Variants in SPTBN5 observed in about 807,000 individuals in gnomAD.
The protein encoded by SPTBN5 is spectrin beta, non-erythrocytic 5, also known as spectrin beta chain, non-erythrocytic 5.
SPTBN5 carries 513 observed loss-of-function variants against 477.6 expected under a neutral mutation model. The observed-to-expected ratio is 1.07, with a 90% CI of 1.00 to 1.16. SPTBN5 has a LOEUF of 1.16. SPTBN5 is among the 50% of genes most tolerant of loss of function. SPTBN5 has a pLI of 0.00. For missense variants in SPTBN5, 5,062 were observed against 4,731.8 expected (o/e 1.07, Z -2.05); for synonymous variants, 2,169 against 2,011.7 (o/e 1.08, Z -2.09).
At position 41,857,685 on chromosome 15, in the gene SPTBN5, C is replaced by T; in HGVS notation, c.8252G>A (p.Gly2751Asp). ...QREGQRLLQG[G>D]HPASEAIQER... ...CTGGATGGCCTCCGAGGCTGGGTGG[C>T]CCCCCTGCAGCAGCCTCTGTCCCTC... The change falls in exon 50 of 68, where the codon GGC becomes GAC. Residue 2751 changes from glycine (G) to aspartate (D), a missense_variant. Gly to Asp is a moderately conservative substitution (Grantham distance 94). Coordinates refer to ENST00000320955, the MANE Select transcript of SPTBN5 (RefSeq NM_016642.4). 5 of 1,580,220 alleles carry T rather than the reference C, an allele frequency of 3.2e-6. No individual in the cohort carries two copies. Among genetic ancestry groups the T allele is most frequent in the Non-Finnish European group, 3.4e-6 (4 of 1,164,482 alleles).
chr15:41,880,099 A>C, intron 14 of SPTBN5, 61 bp downstream of exon 14: 1 of 1,519,072 alleles, frequency 6.6e-7, no homozygotes, highest in Non-Finnish European at 8.8e-7. Context: ...GAGTCACAGC[A>C]GCAGACCACA....
rs771620376 is a variant in SPTBN5, at chr15:41,877,351, T to C, written c.3476A>G (p.Gln1159Arg). ...EEIHLWQERL[Q>R]QLDAQSQPMA... is the part of the protein sequence containing the mutation. The stretch of plus-strand genomic sequence containing the variant: ...GGGCTGGCTCTGAGCGTCCAGCTGC[T>C]GCAGCCTGACCAGGATGACAGGCAG... The change falls in exon 18 of 68, where the codon CAG becomes CGG. Residue 1159 changes from glutamine (Q) to arginine (R), a missense_variant. Transcript: ENST00000320955. 3 of 1,606,798 alleles carry C rather than the reference T, an allele frequency of 1.9e-6. No homozygotes were observed. In the African/African-American group the frequency reaches 4.0e-5, roughly 21 times the overall value.
rs749042256 is a variant in SPTBN5 at position 41,853,591 on chromosome 15, T to A, written c.9971A>T (p.Gln3324Leu). 5 of 1,574,454 alleles carry A rather than the reference T, an allele frequency of 3.2e-6. No homozygotes were observed. The highest frequency in any genetic ancestry group is 1.7e-4 in the Middle Eastern group (1 of 5,988). The change falls in exon 58 of 68, where the codon CAG (glutamine) becomes CTG (leucine). Residue 3324 changes from glutamine (Q) to leucine (L), a missense_variant. Gln to Leu is a moderately radical substitution (Grantham distance 113). Coordinates refer to ENST00000320955, the MANE Select transcript of SPTBN5 (RefSeq NM_016642.4). ...GAGGTAGGACACCTACAGCAGTTCC[T>A]GGCAGCGCCCGAGGAAGGCATGGCC... ...AQGHAFLGRC[Q>L]ELLAWAQERQ...
chr15:41,856,435 C>G lies in SPTBN5; in HGVS notation c.8972G>C (p.Arg2991Thr), dbSNP rs748509385. The G allele has an allele frequency of 2.1e-5, 33 of 1,594,868 alleles. No individual in the cohort carries two copies. The highest frequency in any genetic ancestry group is 1.8e-4 in the South Asian group (16 of 88,890). ...CTGAGCCTGCTGCAGCAGAAGCCGC[C>G]TCCGCGCCGCCTCTGCCCGCAGGTG... is the stretch of plus-strand genomic sequence containing the variant. ...MAHLRAEAAR[R>T]RLLLQQAQEA... The change falls in exon 53 of 68, where the codon AGG becomes ACG. Residue 2991 changes from arginine to threonine, a missense_variant. By Grantham distance (71) the Arg-to-Thr change is moderately conservative. Coordinates refer to ENST00000320955, the MANE Select transcript of SPTBN5 (RefSeq NM_016642.4).
In SPTBN5 at chr15:41,857,562, CACA is replaced by C. The variant is rs1181505789; in HGVS notation, c.8364+8_8364+10del. The C allele has an allele frequency of 2.5e-6, 4 of 1,607,408 alleles. No homozygotes were observed. The highest frequency in any genetic ancestry group is 3.4e-6 in the Non-Finnish European group (4 of 1,176,240). On this transcript the variant is annotated splice_region_variant and intron_variant, in intron 50 of 67. Transcript: ENST00000320955. ...GCCCGGCCAGCCACCCCTCGGCCTGCACAACCTCACCTCACAGGCCTTCTGGAG... is the reference window on the plus strand; with the variant it reads ...GCCCGGCCAGCCACCCCTCGGCCTGCACCTCACCTCACAGGCCTTCTGGAG...
At chr15:41,860,148 C>G (rs773007405) in intron 47 of SPTBN5, among the ~76,000 whole-genome samples, 1 of 152,216 alleles carries the variant, frequency 6.6e-6, no homozygotes, top group Non-Finnish European at 1.5e-5. Flanking sequence ...CTTTCGTCCT[C>G]ATCACAGCCG....
intron 14 of SPTBN5, 119 bp from the exon 15 acceptor site, chr15:41,879,983 C>G: frequency 1.4e-6 from 2 of 1,458,792 alleles, no homozygotes; most frequent in East Asian, 4.9e-5. Flanking sequence ...CTGCCTGCCC[C>G]TGGAAAGACA....
At chr15:41,848,961 A>G (rs1233749436) in intron 67 of SPTBN5, among the ~76,000 whole-genome samples, 1 of 152,186 alleles carries the variant, frequency 6.6e-6, no homozygotes. Context: ...TCAGCAACAC[A>G]TCATCTAAAT....
In SPTBN5 at chr15:41,893,013, G is replaced by A. The variant is rs757886521; in HGVS notation, c.265C>T (p.His89Tyr). 3.7e-6 allele frequency: 6 copies of A among 1,611,236 alleles called. No individual in the cohort carries two copies. The highest frequency in any genetic ancestry group is 5.1e-6 in the Non-Finnish European group (6 of 1,179,756). ...NLYTELADGI[H>Y]LLRLLELISG... is the part of the protein sequence containing the mutation. Reference sequence around the variant, plus strand: ...ATGAGCTCCAGCAGCCGCAGGAGGTGGATGCCGTCAGCCAGCTCTGTGTAC... The same window carrying A: ...ATGAGCTCCAGCAGCCGCAGGAGGTAGATGCCGTCAGCCAGCTCTGTGTAC... The change falls in exon 3 of 68, where the codon CAC (histidine) becomes TAC (tyrosine). Residue 89 changes from histidine (H) to tyrosine (Y), a missense_variant. Transcript: ENST00000320955.
intron 7 of SPTBN5, among the ~76,000 whole-genome samples, chr15:41,885,254 C>T (rs1339577464): frequency 6.6e-6 from 1 of 152,188 alleles, no homozygotes; most frequent in African/African-American, 2.4e-5. Context: ...GAGCTCCTGA[C>T]CTCAGGTCAT....
rs1434080411 is a variant in SPTBN5 at position 41,866,019 on chromosome 15, C to A, written c.6822+19G>T. ...GCTCCTCCCCCCATCTCTCAGCCCC[C>A]ACCCAGCTGGGGCTACACCTTCTCC... On this transcript the variant is annotated intron_variant, in intron 38 of 67. Transcript: ENST00000320955. The A allele has an allele frequency of 1.3e-6, 2 of 1,550,132 alleles. No individual in the cohort carries two copies. Among genetic ancestry groups the A allele is most frequent in the African/African-American group, 2.7e-5 (2 of 73,012 alleles).
Position 41,848,399 on chromosome 15 carries a change from C to T in SPTBN5, c.*217G>A. On this transcript the variant is annotated 3_prime_UTR_variant, in exon 68 of 68. Coordinates refer to ENST00000320955, the MANE Select transcript of SPTBN5 (RefSeq NM_016642.4). Reference sequence around the variant, plus strand: ...GTAACACGTCTCCTCTTCACCCAGACAGGAATGCAGGGGGAGGCCAGGCAA... The same window carrying T: ...GTAACACGTCTCCTCTTCACCCAGATAGGAATGCAGGGGGAGGCCAGGCAA... 1 of 628,638 alleles carries T rather than the reference C, an allele frequency of 1.6e-6. No individual in the cohort carries two copies. Among genetic ancestry groups the T allele is most frequent in the Non-Finnish European group, 2.9e-6 (1 of 345,666 alleles). The allele number at this position is 628,638 out of a possible 1,614,324, so 38.9% of individuals were successfully genotyped here. A position where few individuals can be genotyped will look rare whatever the true frequency, so the allele number is the denominator to read the frequency against.
At chr15:41,859,986 G>A (rs1010589802) in intron 47 of SPTBN5, among the ~76,000 whole-genome samples, 5 of 152,230 alleles carry the variant, frequency 3.3e-5, no homozygotes, top group Non-Finnish European at 7.3e-5. Flanking sequence ...CTGAGGAGCT[G>A]CATGAAGCAG....
At chr15:41,863,858 G>GC in intron 40 of SPTBN5, 40 bp from the exon 41 acceptor site, 1 of 1,612,442 alleles carries the variant, frequency 6.2e-7, no homozygotes, top group East Asian at 2.2e-5. Context: ...GCCTGAGGTG[G>GC]CCTTCCACCC....
chr15:41,878,905 A>C (rs946795498), intron 16 of SPTBN5, among the ~76,000 whole-genome samples: 4 of 152,172 alleles, frequency 2.6e-5, no homozygotes, highest in African/African-American at 9.7e-5. Context: ...GTCTCTACTA[A>C]AAATACAAAA....
rs1567222061 is a variant in SPTBN5 at position 41,879,492 on chromosome 15, GC to G, written c.2949del (p.Gln984SerfsTer5). 3 of 1,564,760 alleles carry G rather than the reference GC, an allele frequency of 1.9e-6. No homozygotes were observed. Among genetic ancestry groups the G allele is most frequent in the Admixed American group, 3.7e-5 (2 of 53,418 alleles). On this transcript the variant is annotated frameshift_variant, in exon 16 of 68. Coordinates refer to ENST00000320955, the MANE Select transcript of SPTBN5 (RefSeq NM_016642.4). LOFTEE classifies it high-confidence loss of function. Reference protein sequence around the residue: ...RQQEELSQRWGQLEALKREKA... With the variant: ...RQQEELSQRWXQLEALKREKA... ...TTCTCCCTCTTCAGGGCCTCCAGCTGCCCCCACCTGGGCAGAGGGTACAAGG... is the reference window on the plus strand; with the variant it reads ...TTCTCCCTCTTCAGGGCCTCCAGCTGCCCCACCTGGGCAGAGGGTACAAGG...
In SPTBN5 at chr15:41,876,665, G is replaced by GGGGGGGGGT; in HGVS notation, c.3852-19_3852-18insACCCCCCCC. The GGGGGGGGGT allele has an allele frequency of 2.3e-6, 3 of 1,292,938 alleles. No individual in the cohort carries two copies. The highest frequency in any genetic ancestry group is 3.3e-6 in the Non-Finnish European group (3 of 904,822). The allele number at this position is 1,292,938 out of a possible 1,614,324, so 80.1% of individuals were successfully genotyped here. A position where few individuals can be genotyped will look rare whatever the true frequency, so the allele number is the denominator to read the frequency against. ...CTCTGACCCTGGAGGGCGGGGGGGGGTTGGAGGAGGGCATGGGAGAGGACT... is the reference window on the plus strand; with the variant it reads ...CTCTGACCCTGGAGGGCGGGGGGGGGGGGGGGGGTTTGGAGGAGGGCATGGGAGAGGACT... On this transcript the variant is annotated intron_variant, in intron 19 of 67. Transcript: ENST00000320955.
chr15:41,863,040 A>G (rs2140929558), intron 41 of SPTBN5, 137 bp from the exon 42 acceptor site: 1 of 756,554 alleles, frequency 1.3e-6, no homozygotes, highest in East Asian at 2.7e-5. Context: ...TGAGGGCCAG[A>G]GATCTCTTCC....
In SPTBN5 at chr15:41,850,950, C is replaced by CACA. The variant is rs386382834; in HGVS notation, c.10836-12_10836-11insTGT. ...GCCCCACTGGTCAGCCTGGCACCCA[C>CACA]AGTCACAGGTCAAACTCCACTGTCC... is the stretch of plus-strand genomic sequence containing the variant. On this transcript the variant is annotated splice_polypyrimidine_tract_variant and intron_variant, in intron 65 of 67. Coordinates refer to ENST00000320955, the MANE Select transcript of SPTBN5 (RefSeq NM_016642.4). 65 of 1,597,694 alleles carry CACA rather than the reference C, an allele frequency of 4.1e-5. No individual in the cohort carries two copies. Among genetic ancestry groups the CACA allele is most frequent in the Non-Finnish European group, 5.5e-5 (64 of 1,172,838 alleles).
Sources: allele counts gnomAD v4.1 joint callset (sites outside exome capture counted in the v4.1 genomes callset), GRCh38; gene constraint gnomAD v4.1.1; transcripts MANE v1.5; gene names NCBI Gene and HGNC (gene_info 2026-07-23, HGNC 2026-07-21).